MED16: variants seen among roughly 807,000 people sequenced by gnomAD.
The protein encoded by MED16 is mediator of RNA polymerase II transcription subunit 16.
MED16 carries 81 observed loss-of-function variants against 84.4 expected under a neutral mutation model. The observed-to-expected ratio is 0.96, with a 90% CI of 0.80 to 1.15. The LOEUF is 1.15. MED16 is among the 50% of genes most tolerant of loss of function. The pLI is 0.00. For synonymous variants in MED16, 897 were observed against 552.2 expected, an observed-to-expected ratio of 1.62 and a Z score of -8.76; for missense variants, 1,585 against 1,245.9, an observed-to-expected ratio of 1.27 and a Z score of -4.10.
At position 889,705 on chromosome 19, in the gene MED16, T is replaced by C. The variant is rs751203748; in HGVS notation, c.380A>G (p.Glu127Gly). ...SWESSVGSLVEGDPIVALSWL... is the reference protein window; with the variant it reads ...SWESSVGSLVGGDPIVALSWL... Reference sequence around the variant, plus strand: ...GGACAGGGCCACAATGGGGTCCCCCTCCACTAGGCTGCCCACTGAGCTCTC... The same window carrying C: ...GGACAGGGCCACAATGGGGTCCCCCCCCACTAGGCTGCCCACTGAGCTCTC... The change falls in exon 4 of 16, where the codon GAG becomes GGG. Residue 127 changes from glutamate (E) to glycine (G), a missense_variant. Glu to Gly is a moderately conservative substitution (Grantham distance 98, BLOSUM62 -2). Transcript: ENST00000325464. 1.2e-6 allele frequency: 2 copies of C among 1,613,776 alleles called. No individual in the cohort carries two copies. The highest frequency in any genetic ancestry group is 1.7e-5 in the Admixed American group (1 of 59,994).
intron 9 of MED16, among the ~76,000 whole-genome samples, chr19:876,621 A>T (rs1006444204): frequency 3.3e-5 from 5 of 151,352 alleles, no homozygotes; most frequent in African/African-American, 1.2e-4. Context: ...CTGGGAGCAC[A>T]CCCCACACGC....
chr19:870,696 G>A (rs950426471), intron 13 of MED16, among the ~76,000 whole-genome samples: 6 of 152,108 alleles, frequency 3.9e-5, no homozygotes, highest in East Asian at 1.9e-4. Context: ...CAGCAGTCAT[G>A]GCCATGACTG....
At chr19:869,744 T>C (rs1349336299) in intron 13 of MED16, among the ~76,000 whole-genome samples, 2 of 152,164 alleles carry the variant, frequency 1.3e-5, no homozygotes, top group African/African-American at 4.8e-5. Flanking sequence ...TTCATTTTCT[T>C]CCTTTTGCTC....
chr19:885,889 G>C lies in MED16; in HGVS notation c.760C>G (p.Arg254Gly). The change falls in exon 5 of 16, where the codon CGT (arginine) becomes GGT (glycine). Residue 254 changes from arginine (R) to glycine (G), a missense_variant. Physicochemically the swap from Arg to Gly is moderately radical, Grantham distance 125 (BLOSUM62 -2). Coordinates refer to ENST00000325464, the MANE Select transcript of MED16 (RefSeq NM_005481.3). The stretch of plus-strand genomic sequence containing the variant: ...GAGGGCAGGATCTCCGTGTCGATAC[G>C]GCACTTCTCGCTCACCACGCTCACG... ...VCVSVVSEKC[R>G]IDTEILPSLF... 5 of 1,613,704 alleles carry C rather than the reference G, an allele frequency of 3.1e-6. No individual in the cohort carries two copies. The highest frequency in any genetic ancestry group is 4.2e-6 in the Non-Finnish European group (5 of 1,179,954).
intron 7 of MED16, among the ~76,000 whole-genome samples, chr19:880,615 T>G (rs1373816555): frequency 1.3e-5 from 2 of 151,030 alleles, no homozygotes; most frequent in African/African-American, 4.9e-5. Context: ...ATGAAAGGAG[T>G]CCCTGCAGTA....
At chr19:875,142 C>T (rs1298693805) in intron 10 of MED16, 102 bp downstream of exon 10, 7 of 789,110 alleles carry the variant, frequency 8.9e-6, no homozygotes, top group Non-Finnish European at 1.3e-5. Context: ...CCAGCCTGGG[C>T]AACAGAGTAA....
intron 12 of MED16, chr19:871,678 A>T (rs370231731): frequency 6.5e-7 from 1 of 1,541,120 alleles, no homozygotes; most frequent in East Asian, 2.3e-5. Context: ...GAAATAGCAG[A>T]TATCAAGGCA....
intron 11 of MED16, among the ~76,000 whole-genome samples, chr19:872,717 G>A (rs1008831086): frequency 5.3e-5 from 8 of 151,840 alleles, no homozygotes; most frequent in African/African-American, 1.7e-4. Flanking sequence ...TGAAGGTGGA[G>A]GTGTGGATGG....
At chr19:883,390 G>A (rs999588926) in intron 6 of MED16, among the ~76,000 whole-genome samples, 1 of 145,508 alleles carries the variant, frequency 6.9e-6, no homozygotes, top group Non-Finnish European at 1.5e-5. Flanking sequence ...TGAAGAGCTG[G>A]GCATGGCGGG....
rs1568319214 is a variant in MED16, at chr19:871,763, G to GGAGCGGGGAGAGGGGA, written c.2098+147_2098+162dup. ...GGACTTGTGTTTTGGTAGGGAGAGG[G>GGAGCGGGGAGAGGGGA]GAGCGGGGAGAGGGGAGAGGGGAGA... On this transcript the variant is annotated intron_variant, in intron 12 of 15. Transcript: ENST00000325464. 8.7e-6 allele frequency: 5 copies of GGAGCGGGGAGAGGGGA among 573,306 alleles called. No individual in the cohort carries two copies. In the African/African-American group the frequency reaches 1.7e-4, roughly 20 times the overall value. The allele number at this position is 573,306 out of a possible 1,614,324, so 35.5% of individuals were successfully genotyped here.
At chr19:872,845 G>A (rs546607840) in intron 11 of MED16, 3 of 579,672 alleles carry the variant, frequency 5.2e-6, no homozygotes, top group South Asian at 9.7e-5. Context: ...GGCTGAGAAG[G>A]AGCAGGGCCT....
intron 9 of MED16, among the ~76,000 whole-genome samples, chr19:876,175 T>C (rs1398363893): frequency 3.3e-5 from 5 of 152,148 alleles, no homozygotes; most frequent in East Asian, 3.9e-4. Flanking sequence ...TGGTTTCTGA[T>C]GGCACAGAGG....
intron 9 of MED16, 77 bp downstream of exon 9, chr19:876,897 G>GCCCCACCTGCCAGGGGGC: frequency 1.5e-6 from 2 of 1,357,592 alleles, no homozygotes; most frequent in Non-Finnish European, 1.9e-6. Context: ...CTGCCACGGG[G>GCCCCACCTGCCAGGGGGC]CCCCACCTGC....
intron 11 of MED16, among the ~76,000 whole-genome samples, chr19:872,607 G>GTGGGGCAGAAGAAATCACAGC (rs2036106917): frequency 6.6e-6 from 1 of 151,566 alleles, no homozygotes; most frequent in South Asian, 2.1e-4. Flanking sequence ...AGCCGGGTGG[G>GTGGGGCAGAAGAAATCACAGC]TGGGGCAGAA....
Position 881,710 on chromosome 19 carries a change from G to T in MED16, c.990C>A (p.Gly330=). The T allele has an allele frequency of 1.2e-6, 2 of 1,608,180 alleles. No homozygotes were observed. Among genetic ancestry groups the T allele is most frequent in the Non-Finnish European group, 8.5e-7 (1 of 1,176,546 alleles). The change falls in exon 7 of 16, where the codon GGC becomes GGA. Residue 330 remains glycine (G), a synonymous_variant. Coordinates refer to ENST00000325464, the MANE Select transcript of MED16 (RefSeq NM_005481.3). ...ATTTGAGAATTGTGGGCTGTTTGTC[G>T]CCAACTGAAAAATCAGGGGCAGGAA... ...NIFQQISPVV[G]DKQPTILKWR... is the part of the protein sequence containing the mutation.
Position 877,048 on chromosome 19 carries a change from G to C in MED16, c.1486C>G (p.Gln496Glu). 6.2e-7 allele frequency: 1 copy of C among 1,612,716 alleles called. No homozygotes were observed. Among genetic ancestry groups the C allele is most frequent in the South Asian group, 1.1e-5 (1 of 91,084 alleles). Residue 496 changes from glutamine (Q) to glutamate (E), a missense_variant, in exon 9 of 16, where the codon CAG becomes GAG. By Grantham distance (29) the Gln-to-Glu change is conservative (BLOSUM62 2). Transcript: ENST00000325464. Reference protein sequence around the residue: ...YDWWDILLHVQPSMVQSLVEK... With the variant: ...YDWWDILLHVEPSMVQSLVEK... ...ACCAGGCTCTGTACCATACTGGGCT[G>C]CACGTGCAGCAGGATGTCCCACCAG... is the stretch of plus-strand genomic sequence containing the variant.
chr19:869,733 C>G (rs2036001992), intron 13 of MED16, among the ~76,000 whole-genome samples: 1 of 152,196 alleles, frequency 6.6e-6, no homozygotes, highest in Non-Finnish European at 1.5e-5. Context: ...TGGAGGTTCA[C>G]TTCATTTTCT....
chr19:873,294 CGGG>C (rs2036140770), intron 11 of MED16, among the ~76,000 whole-genome samples, 152 bp downstream of exon 11: 3 of 27,588 alleles, frequency 1.1e-4, no homozygotes, highest in African/African-American at 6.3e-4. Context: ...CAAGCAGGGG[CGGG>C]ACTCCAAGTA....
rs762275550 is a variant in MED16 at position 868,509 on chromosome 19, G to A, written c.2400-10C>T. 3.4e-5 allele frequency: 54 copies of A among 1,608,608 alleles called. No homozygotes were observed. Among genetic ancestry groups the A allele is most frequent in the Non-Finnish European group, 3.3e-5 (39 of 1,179,764 alleles). ...GGTGACACAGCCGCACCTGCGGGGA[G>A]GCAGGCACTGAGCGGGTTCCCACTT... On this transcript the variant is annotated splice_polypyrimidine_tract_variant and intron_variant, in intron 14 of 15. Coordinates refer to ENST00000325464, the MANE Select transcript of MED16 (RefSeq NM_005481.3).
Sources: gnomAD v4.1 joint callset for allele counts (sites outside exome capture counted in the v4.1 genomes callset) on GRCh38, gnomAD v4.1.1 for gene constraint, MANE v1.5 for transcripts, NCBI Gene and HGNC (gene_info 2026-07-23, HGNC 2026-07-21) for gene names.